GSTO2: variants seen among roughly 807,000 people sequenced by gnomAD.
GSTO2 encodes glutathione S-transferase omega-2.
Under a neutral mutation model 28.4 loss-of-function variants are expected in GSTO2, and 23 were observed. That is an observed-to-expected ratio of 0.81 (90% CI 0.58 to 1.15). GSTO2 has a LOEUF of 1.15. Among genes scored for constraint, GSTO2 ranks in the 50% most tolerant of loss-of-function variants. The pLI is 0.00. For synonymous variants in GSTO2, 109 were observed against 111.0 expected (o/e 0.98, Z 0.11); for missense variants, 298 against 297.8 (o/e 1.00, Z 0.00).
intron 5 of GSTO2, among the ~76,000 whole-genome samples, chr10:104,282,083 G>A (rs996075589): frequency 1.3e-5 from 2 of 151,920 alleles, no homozygotes; most frequent in African/African-American, 4.8e-5. Context: ...AGTAATTGAA[G>A]CCTGTCAAGC....
At chr10:104,280,104 TGCAGTGA>T (rs1388928513) in intron 5 of GSTO2, among the ~76,000 whole-genome samples, 1 of 138,228 alleles carries the variant, frequency 7.2e-6, no homozygotes, top group Non-Finnish European at 1.5e-5. Context: ...AGGTCAAAGC[TGCAGTGA>T]GCCATGATTG....
chr10:104,299,214 G>A lies in GSTO2; in HGVS notation c.662G>A (p.Ser221Asn). The change falls in exon 7 of 7, where the codon AGC becomes AAC. Residue 221 changes from serine to asparagine, a missense_variant. Transcript: ENST00000338595. ...PTVCALLMDK[S>N]IFQGFLNLYF... Reference sequence around the variant, plus strand: ...GTCTGTGCTCTTCTCATGGATAAGAGCATTTTCCAGGGCTTCTTGAATCTC... The same window carrying A: ...GTCTGTGCTCTTCTCATGGATAAGAACATTTTCCAGGGCTTCTTGAATCTC... 6.2e-7 allele frequency: 1 copy of A among 1,614,186 alleles called. No individual in the cohort carries two copies. The highest frequency in any genetic ancestry group is 8.5e-7 in the Non-Finnish European group (1 of 1,180,032).
At chr10:104,279,176 A>G (rs772628782) in intron 4 of GSTO2, among the ~76,000 whole-genome samples, 194 bp from the exon 5 acceptor site, 5 of 152,204 alleles carry the variant, frequency 3.3e-5, no homozygotes, top group Non-Finnish European at 7.3e-5. Context: ...TTCCCAGGGT[A>G]CTATAAGAAG....
At chr10:104,296,613 TAAAAAAAAAAAAA>T (rs11347549) in intron 5 of GSTO2, 4 of 66,518 alleles carry the variant, frequency 6.0e-5, no homozygotes, top group Admixed American at 1.8e-4. Context: ...AGACCCTATC[TAAAAAAAAAAAAA>T]AAAAAAAAAA....
intron 5 of GSTO2, among the ~76,000 whole-genome samples, chr10:104,285,391 C>T (rs2012360622): frequency 6.6e-6 from 1 of 152,136 alleles, no homozygotes; most frequent in Non-Finnish European, 1.5e-5. Flanking sequence ...ACCTCAGCCT[C>T]CCGAGTAGCT....
intron 5 of GSTO2, among the ~76,000 whole-genome samples, chr10:104,282,547 C>G (rs1448689836): frequency 7.1e-6 from 1 of 140,142 alleles, no homozygotes; most frequent in Non-Finnish European, 1.5e-5. Flanking sequence ...CAGTGAAACC[C>G]TATCTCAAAA....
Position 104,288,653 on chromosome 10 carries a change from C to T in GSTO2, c.469-8925C>T, listed in dbSNP as rs529028248. Among the ~76,000 whole-genome samples the T allele has an allele frequency of 9.2e-5, 14 of 152,284 alleles. No homozygotes were observed. The South Asian group carries it at 2.5e-3, about 27-fold the overall frequency. On this transcript the variant is annotated intron_variant, in intron 5 of 6. Transcript: ENST00000338595. ...TGGCCAGGGAAGTGGAAGGTTTTCC[C>T]GGAAGTATGTCATCCCTTGCTCCTG...
chr10:104,275,241 G>A lies in GSTO2; in HGVS notation c.50G>A (p.Gly17Glu), dbSNP rs778820913. Residue 17 changes from glycine (G) to glutamate (E), a missense_variant, in exon 3 of 7, where the codon GGG (glycine) becomes GAG (glutamate). Gly to Glu is a moderately conservative substitution (Grantham distance 98). Transcript: ENST00000338595. ...RTLGKGSQPP[G>E]PVPEGLIRIY... is the part of the protein sequence containing the mutation. The stretch of plus-strand genomic sequence containing the variant: ...TGCTCTGCAGGAAGCCAGCCCCCAG[G>A]GCCAGTCCCGGAGGGGCTGATCCGC... 1.9e-6 allele frequency: 3 copies of A among 1,613,552 alleles called. No individual in the cohort carries two copies. Among genetic ancestry groups the A allele is most frequent in the East Asian group, 4.5e-5 (2 of 44,830 alleles).
intron 5 of GSTO2, among the ~76,000 whole-genome samples, chr10:104,282,225 CAAAAA>C (rs71022727): frequency 9.0e-5 from 8 of 88,968 alleles, no homozygotes; most frequent in South Asian, 4.4e-4. Context: ...GACTCTGTTT[CAAAAA>C]AAAAAAAAAA....
chr10:104,298,996 GATA>G (rs1326236134), intron 6 of GSTO2, 129 bp from the exon 7 acceptor site: 1 of 768,966 alleles, frequency 1.3e-6, no homozygotes, highest in Non-Finnish European at 2.0e-6. Context: ...ATTCTCACTT[GATA>G]ATAAGATAAC....
intron 5 of GSTO2, among the ~76,000 whole-genome samples, chr10:104,292,398 T>G (rs1326053556): frequency 2.6e-5 from 4 of 151,982 alleles, no homozygotes; most frequent in South Asian, 4.2e-4. Context: ...CCTCAAGAGA[T>G]CCTTCCACTT....
intron 5 of GSTO2, among the ~76,000 whole-genome samples, chr10:104,280,165 CAAAAAAAAA>C (rs56803318): frequency 7.0e-5 from 4 of 57,042 alleles, no homozygotes; most frequent in East Asian, 1.3e-3. Context: ...GTAGGACTGA[CAAAAAAAAA>C]AAAAAAAAAA....
chr10:104,285,744 A>C (rs2012385998), intron 5 of GSTO2, among the ~76,000 whole-genome samples: 1 of 152,186 alleles, frequency 6.6e-6, no homozygotes, highest in South Asian at 2.1e-4. Flanking sequence ...CTATGATTAC[A>C]GGCATGAGCC....
At chr10:104,275,792 C>G (rs535329045) in intron 3 of GSTO2, among the ~76,000 whole-genome samples, 2 of 152,264 alleles carry the variant, frequency 1.3e-5, no homozygotes, top group South Asian at 4.1e-4. Context: ...TGTGCGTTCT[C>G]GAGGGTAGGA....
At chr10:104,275,088 A>C in intron 2 of GSTO2, 138 bp from the exon 3 acceptor site, 2 of 1,514,186 alleles carry the variant, frequency 1.3e-6, no homozygotes. Context: ...GAAAAGCCAC[A>C]TGCAGCACTG....
Position 104,287,966 on chromosome 10 carries a change from C to G in GSTO2, c.468+8495C>G, listed in dbSNP as rs575343687. Among the ~76,000 whole-genome samples, 3 of 148,296 alleles carry G rather than the reference C, an allele frequency of 2.0e-5. No homozygotes were observed. In the South Asian group the frequency reaches 6.4e-4, roughly 31 times the overall value. ...GTAGTGGTGCTATCTCGGCTCACTG[C>G]GAGCTCCACCTCCCAGGTTCATGCC... On this transcript the variant is annotated intron_variant, in intron 5 of 6. Transcript: ENST00000338595.
At chr10:104,281,857 G>C (rs1232857966) in intron 5 of GSTO2, among the ~76,000 whole-genome samples, 1 of 152,170 alleles carries the variant, frequency 6.6e-6, no homozygotes, top group Admixed American at 6.5e-5. Flanking sequence ...AAGAAGGCTG[G>C]TCTGTGGGGG....
At chr10:104,288,122 C>T (rs1464812187) in intron 5 of GSTO2, among the ~76,000 whole-genome samples, 1 of 152,028 alleles carries the variant, frequency 6.6e-6, no homozygotes, top group African/African-American at 2.4e-5. Flanking sequence ...CATCTCCTGA[C>T]CTTGTGATCC....
chr10:104,286,569 A>C (rs1429864561), intron 5 of GSTO2, among the ~76,000 whole-genome samples: 1 of 152,072 alleles, frequency 6.6e-6, no homozygotes, highest in African/African-American at 2.4e-5. Context: ...TTTCTCTTGG[A>C]TTTGCTAGCT....
Sources: gnomAD v4.1 joint callset for allele counts (sites outside exome capture counted in the v4.1 genomes callset) on GRCh38, gnomAD v4.1.1 for gene constraint, MANE v1.5 for transcripts, NCBI Gene and HGNC (gene_info 2026-07-23, HGNC 2026-07-21) for gene names.